Variants in DIP2C observed in about 807,000 individuals in gnomAD.
The protein encoded by DIP2C is DIP2 acetate--CoA ligase C (putative).
DIP2C carries 33 observed loss-of-function variants against 192.4 expected under a neutral mutation model. The observed-to-expected ratio is 0.17, with a 90% CI of 0.13 to 0.23. DIP2C has a LOEUF of 0.23. DIP2C is among the 10% of genes least tolerant of loss of function. The probability of loss-of-function intolerance (pLI) is 1.00; values close to 1 mark genes in which losing one functional copy is unlikely to be tolerated. For synonymous variants in DIP2C, 979 were observed against 864.1 expected, an observed-to-expected ratio of 1.13 and a Z score of -2.33; for missense variants, 1,537 against 2,110.1, an observed-to-expected ratio of 0.73 and a Z score of 5.32.
At chr10:339,233 T>G (rs1454057693) in intron 29 of DIP2C, among the ~76,000 whole-genome samples, 2 of 151,908 alleles carry the variant, frequency 1.3e-5, no homozygotes, top group African/African-American at 4.8e-5. Flanking sequence ...ACCCAAGTGC[T>G]TTTTTTGTTT....
chr10:350,575 TC>T (rs1958741962), intron 24 of DIP2C, among the ~76,000 whole-genome samples: 1 of 150,354 alleles, frequency 6.7e-6, no homozygotes, highest in African/African-American at 2.4e-5. Context: ...TGGACTGCAG[TC>T]CATGGGGTCA....
intron 1 of DIP2C, among the ~76,000 whole-genome samples, chr10:637,121 T>C (rs889961627): frequency 6.6e-6 from 1 of 152,262 alleles, no homozygotes; most frequent in Non-Finnish European, 1.5e-5. Context: ...CTGCGTAAGA[T>C]GGTGACATTT....
intron 30 of DIP2C, among the ~76,000 whole-genome samples, chr10:327,447 G>T (rs1465676390): frequency 6.6e-6 from 1 of 152,210 alleles, no homozygotes; most frequent in African/African-American, 2.4e-5. Context: ...GAGGAAAAAG[G>T]TTGAGGAAAA....
intron 1 of DIP2C, among the ~76,000 whole-genome samples, chr10:582,953 G>A (rs747891967): frequency 3.3e-5 from 5 of 152,202 alleles, no homozygotes; most frequent in Non-Finnish European, 5.9e-5. Context: ...TACCTCTTGG[G>A]AAAATGGGGA....
At chr10:577,994 C>T (rs192499789) in intron 1 of DIP2C, among the ~76,000 whole-genome samples, 4 of 152,132 alleles carry the variant, frequency 2.6e-5, no homozygotes, top group Admixed American at 6.5e-5. Context: ...GTGAAATTCC[C>T]AAAGGTGTGG....
At chr10:513,558 C>CA (rs1564808385) in intron 1 of DIP2C, among the ~76,000 whole-genome samples, 4 of 152,164 alleles carry the variant, frequency 2.6e-5, no homozygotes, top group African/African-American at 9.7e-5. Context: ...CACCGTGCCA[C>CA]ACCGCGGTCC....
At chr10:600,484 C>G (rs61832969) in intron 1 of DIP2C, among the ~76,000 whole-genome samples, 4,129 of 104,552 alleles carry the variant, frequency 0.039, 83 homozygotes, top group African/African-American at 0.12. Context: ...ACCTTAAAGA[C>G]GACGGCCCAG....
intron 17 of DIP2C, among the ~76,000 whole-genome samples, chr10:375,168 G>A (rs1433706107): frequency 6.6e-6 from 1 of 152,230 alleles, no homozygotes; most frequent in Non-Finnish European, 1.5e-5. Context: ...GAAATGTGAC[G>A]TCCAACAATG....
chr10:471,670 ATT>A (rs1970644844), intron 3 of DIP2C, among the ~76,000 whole-genome samples: 2 of 152,126 alleles, frequency 1.3e-5, no homozygotes, highest in South Asian at 4.2e-4. Flanking sequence ...TTCACAGGTA[ATT>A]TTCTTTTAAA....
chr10:532,342 G>A (rs563172300), intron 1 of DIP2C, among the ~76,000 whole-genome samples: 1 of 152,132 alleles, frequency 6.6e-6, no homozygotes, highest in South Asian at 2.1e-4. Flanking sequence ...TCTCTCCCCT[G>A]GACAGACCCT....
At chr10:539,933 A>T (rs1042640081) in intron 1 of DIP2C, among the ~76,000 whole-genome samples, 1 of 152,202 alleles carries the variant, frequency 6.6e-6, no homozygotes, top group African/African-American at 2.4e-5. Context: ...TAAATATGAA[A>T]ATGTTTGACA....
At chr10:536,416 G>A (rs1441285393) in intron 1 of DIP2C, among the ~76,000 whole-genome samples, 1 of 152,058 alleles carries the variant, frequency 6.6e-6, no homozygotes. Flanking sequence ...CAAAGACCCT[G>A]TTCCCCATAG....
At chr10:497,646 A>T (rs1844932135) in intron 1 of DIP2C, among the ~76,000 whole-genome samples, 1 of 152,240 alleles carries the variant, frequency 6.6e-6, no homozygotes, top group Non-Finnish European at 1.5e-5. Flanking sequence ...TTGGATCCAG[A>T]GAAGCTGAAC....
chr10:353,703 A>G (rs1189694162), intron 24 of DIP2C, among the ~76,000 whole-genome samples: 1 of 152,122 alleles, frequency 6.6e-6, no homozygotes, highest in Admixed American at 6.5e-5. Context: ...TGAGCTTGTG[A>G]CTACACGGCC....
chr10:287,079 G>A (rs979456661), intron 33 of DIP2C, among the ~76,000 whole-genome samples: 4 of 152,072 alleles, frequency 2.6e-5, no homozygotes, highest in African/African-American at 9.7e-5. Flanking sequence ...ATCTTTTACT[G>A]TAATAGATGT....
intron 4 of DIP2C, among the ~76,000 whole-genome samples, chr10:423,380 G>A (rs1031273450): frequency 6.6e-6 from 1 of 152,212 alleles, no homozygotes; most frequent in Non-Finnish European, 1.5e-5. Flanking sequence ...GCGTTTCCTA[G>A]GGGATGCTGA....
At chr10:455,219 C>T (rs992704062) in intron 3 of DIP2C, among the ~76,000 whole-genome samples, 1 of 152,200 alleles carries the variant, frequency 6.6e-6, no homozygotes, top group African/African-American at 2.4e-5. Flanking sequence ...ATTTGCACCC[C>T]CATTTCCCTG....
rs565954666 is a variant in DIP2C, at chr10:548,759, T to A, written c.86-62229A>T. Among the ~76,000 whole-genome samples the A allele has an allele frequency of 6.3e-4, 96 of 151,914 alleles. 1 individual carries two copies. Among genetic ancestry groups the A allele is most frequent in the African/African-American group, 2.2e-3 (91 of 41,414 alleles). On this transcript the variant is annotated intron_variant, in intron 1 of 36. Coordinates refer to ENST00000280886, the MANE Select transcript of DIP2C (RefSeq NM_014974.3). ...CTCGCACAACCTCACAGACTGTGCC[T>A]GATTTATGGATGACATTTTAATTAA...
At chr10:337,263 G>C (rs1406747155) in intron 29 of DIP2C, among the ~76,000 whole-genome samples, 1 of 145,346 alleles carries the variant, frequency 6.9e-6, no homozygotes, top group African/African-American at 2.5e-5. Flanking sequence ...TGGAGGCCTA[G>C]GCTGATGTGT....
Sources: gnomAD v4.1 joint callset for allele counts (sites outside exome capture counted in the v4.1 genomes callset) on GRCh38, gnomAD v4.1.1 for gene constraint, MANE v1.5 for transcripts, NCBI Gene and HGNC (gene_info 2026-07-23, HGNC 2026-07-21) for gene names.